CNOT6: variants seen among roughly 807,000 people sequenced by gnomAD.
CNOT6 encodes carbon catabolite repression 4 protein.
CNOT6 carries 12 observed loss-of-function variants against 61.2 expected under a neutral mutation model. The ratio of observed to expected loss-of-function variants is 0.20; its 90% CI spans 0.13 to 0.32. The LOEUF (loss-of-function observed/expected upper bound fraction) is 0.32. CNOT6 is among the 10% of genes least tolerant of loss of function. CNOT6 has a pLI of 1.00. For synonymous variants in CNOT6, 225 were observed against 240.6 expected, an observed-to-expected ratio of 0.94 and a Z score of 0.60; for missense variants, 405 against 663.9, an observed-to-expected ratio of 0.61 and a Z score of 4.28.
rs137914888 is a variant in CNOT6, at chr5:180,513,673, T to TTTTA, written c.-2-15578_-2-15575dup. 7.1e-3 allele frequency among the ~76,000 whole-genome samples: 1,045 copies of TTTTA among 147,026 alleles called. 10 individuals are homozygous for TTTTA. Among genetic ancestry groups the TTTTA allele is most frequent in the African/African-American group, 0.023 (908 of 39,848 alleles). ...AGGTATGAGCTACCATGCCTGGCCC[T>TTTTA]TTTATTTATTTATTTATTTATTTAT... On this transcript the variant is annotated intron_variant, in intron 1 of 11. Transcript: ENST00000261951.
At chr5:180,563,247 G>T (rs1000957154) in intron 4 of CNOT6, among the ~76,000 whole-genome samples, 4 of 143,350 alleles carry the variant, frequency 2.8e-5, no homozygotes, top group African/African-American at 1.0e-4. Flanking sequence ...ACAGAGTCTC[G>T]CTCTGTTGCC....
intron 4 of CNOT6, 38 bp downstream of exon 4, chr5:180,553,509 A>G (rs376940712): frequency 3.3e-6 from 5 of 1,492,916 alleles, no homozygotes; most frequent in East Asian, 2.3e-5. Context: ...TGGTTTGTGT[A>G]TATGTCTTTG....
At chr5:180,501,508 G>A (rs1756867837) in intron 1 of CNOT6, among the ~76,000 whole-genome samples, 1 of 152,188 alleles carries the variant, frequency 6.6e-6, no homozygotes, top group African/African-American at 2.4e-5. Flanking sequence ...GCGGTTTGGG[G>A]TTTGATAGAT....
At chr5:180,500,542 A>T (rs1041324590) in intron 1 of CNOT6, among the ~76,000 whole-genome samples, 6 of 150,052 alleles carry the variant, frequency 4.0e-5, no homozygotes, top group Non-Finnish European at 1.5e-5. Context: ...GGTTCACGCC[A>T]TTCTCCTTCA....
intron 2 of CNOT6, among the ~76,000 whole-genome samples, chr5:180,533,311 C>CATATATATATAT (rs1305701783): frequency 8.0e-4 from 52 of 65,198 alleles, no homozygotes; most frequent in South Asian, 2.6e-3. Flanking sequence ...TGGATGAAAA[C>CATATATATATAT]CTATATATAT....
chr5:180,540,177 C>A (rs1472123496), intron 2 of CNOT6, among the ~76,000 whole-genome samples: 1 of 152,116 alleles, frequency 6.6e-6, no homozygotes, highest in Non-Finnish European at 1.5e-5. Flanking sequence ...TTGGACGCTT[C>A]CATTTTAGAC....
intron 2 of CNOT6, among the ~76,000 whole-genome samples, chr5:180,531,963 T>C (rs1334545867): frequency 1.3e-5 from 2 of 152,182 alleles, no homozygotes; most frequent in African/African-American, 4.8e-5. Flanking sequence ...TTCACAACTT[T>C]GGTGGCATGA....
At chr5:180,566,042 C>T (rs1039904523) in intron 7 of CNOT6, 65 bp downstream of exon 7, 11 of 1,417,970 alleles carry the variant, frequency 7.8e-6, no homozygotes, top group African/African-American at 2.9e-5. Flanking sequence ...GAATACATTA[C>T]GCTGACACAT....
At chr5:180,554,931 A>G (rs1759805041) in intron 4 of CNOT6, among the ~76,000 whole-genome samples, 1 of 152,048 alleles carries the variant, frequency 6.6e-6, no homozygotes, top group Admixed American at 6.6e-5. Flanking sequence ...TATATTTTAC[A>G]AACTGTAATT....
At chr5:180,542,262 T>C (rs1460404158) in intron 2 of CNOT6, among the ~76,000 whole-genome samples, 1 of 151,428 alleles carries the variant, frequency 6.6e-6, no homozygotes. Flanking sequence ...TGGTTTGGGC[T>C]ACCAATTTTT....
intron 1 of CNOT6, among the ~76,000 whole-genome samples, chr5:180,522,683 C>G (rs1015181679): frequency 3.3e-5 from 5 of 151,802 alleles, no homozygotes; most frequent in Non-Finnish European, 7.4e-5. Flanking sequence ...CAGGGTCTCA[C>G]TCTTGCCCAC....
chr5:180,524,622 C>G (rs528014537), intron 1 of CNOT6, among the ~76,000 whole-genome samples: 204 of 152,224 alleles, frequency 1.3e-3, no homozygotes, highest in African/African-American at 4.7e-3. Flanking sequence ...GAAATCAAGA[C>G]TGTTTGATAG....
At chr5:180,509,798 G>A (rs1043225016) in intron 1 of CNOT6, among the ~76,000 whole-genome samples, 2 of 150,200 alleles carry the variant, frequency 1.3e-5, no homozygotes, top group African/African-American at 4.9e-5. Context: ...CTCCTACCGT[G>A]GCCTAGTAAG....
At chr5:180,567,390 T>G (rs1024521862) in intron 8 of CNOT6, 148 bp downstream of exon 8, 1 of 705,912 alleles carries the variant, frequency 1.4e-6, no homozygotes. Flanking sequence ...GGGTTTTTGT[T>G]TGTTTTTAAT....
rs138927609 is a variant in CNOT6 at position 180,563,517 on chromosome 5, C to T, written c.386-972C>T. Reference sequence around the variant, plus strand: ...TCGGCCTCCCAAAGTGCTGGGATTACAGGCATGTCTTCCTTCTGCTCTTTG... The same window carrying T: ...TCGGCCTCCCAAAGTGCTGGGATTATAGGCATGTCTTCCTTCTGCTCTTTG... On this transcript the variant is annotated intron_variant, in intron 4 of 11. Transcript: ENST00000261951. Among the ~76,000 whole-genome samples the T allele has an allele frequency of 3.5e-3, 537 of 152,280 alleles. 2 individuals are homozygous for T. The highest frequency in any genetic ancestry group is 5.8e-3 in the Non-Finnish European group (394 of 68,020).
At chr5:180,514,332 GA>G (rs1236960609) in intron 1 of CNOT6, among the ~76,000 whole-genome samples, 10 of 152,166 alleles carry the variant, frequency 6.6e-5, no homozygotes, top group Non-Finnish European at 1.0e-4. Context: ...TGAGGCAGGA[GA>G]ATTGCTTGAA....
Position 180,522,740 on chromosome 5 carries a change from C to G in CNOT6, c.-2-6535C>G, listed in dbSNP as rs984674193. Among the ~76,000 whole-genome samples the G allele has an allele frequency of 2.0e-5, 3 of 152,128 alleles. No individual in the cohort carries two copies. In the East Asian group the frequency reaches 5.8e-4, roughly 29 times the overall value. ...CTCTGCTCACTGTGGCCTGGACCTC[C>G]TGGGCTCAAGTGATCCTTCTGCCTT... On this transcript the variant is annotated intron_variant, in intron 1 of 11. Coordinates refer to ENST00000261951, the MANE Select transcript of CNOT6 (RefSeq NM_001370472.1).
In CNOT6 at chr5:180,541,440, AATT is replaced by A. The variant is rs1276646590; in HGVS notation, c.113-8490_113-8488del. 2.7e-4 allele frequency among the ~76,000 whole-genome samples: 28 copies of A among 102,998 alleles called. 4 individuals carry two copies. Among genetic ancestry groups the A allele is most frequent in the South Asian group, 3.2e-4 (1 of 3,160 alleles). 67.6% of individuals were successfully genotyped at this position (102,998 alleles called of 152,430 possible). On this transcript the variant is annotated intron_variant, in intron 2 of 11. Coordinates refer to ENST00000261951, the MANE Select transcript of CNOT6 (RefSeq NM_001370472.1). Reference sequence around the variant, plus strand: ...CATGAACCACCACAACTGGCCAAGAAATTTTTTTTTTTTTTTTTTTTTTTTTTT... The same window carrying A: ...CATGAACCACCACAACTGGCCAAGAATTTTTTTTTTTTTTTTTTTTTTTTT...
At chr5:180,504,376 ATACAT>A (rs1425539130) in intron 1 of CNOT6, among the ~76,000 whole-genome samples, 1 of 152,246 alleles carries the variant, frequency 6.6e-6, no homozygotes, top group Non-Finnish European at 1.5e-5. Context: ...CTGATTGCTC[ATACAT>A]TACAACTTCC....
Sources: allele counts gnomAD v4.1 joint callset (sites outside exome capture counted in the v4.1 genomes callset), GRCh38; gene constraint gnomAD v4.1.1; transcripts MANE v1.5; gene names NCBI Gene and HGNC (gene_info 2026-07-23, HGNC 2026-07-21).